Variants in DLG2 observed in about 807,000 individuals in gnomAD.
The protein encoded by DLG2 is discs large MAGUK scaffold protein 2.
A neutral mutation model predicts 132.5 loss-of-function variants in DLG2; 45 were observed. The ratio of observed to expected loss-of-function variants is 0.34; its 90% CI spans 0.27 to 0.44. The LOEUF (loss-of-function observed/expected upper bound fraction) is 0.44, where lower values mean the gene tolerates loss of function less well. DLG2 is among the 20% of genes least tolerant of loss of function. The probability of loss-of-function intolerance (pLI) is 1.00; values close to 1 mark genes in which losing one functional copy is unlikely to be tolerated. For missense variants in DLG2, 1,045 were observed against 1,196.9 expected, an observed-to-expected ratio of 0.87 and a Z score of 1.87; for synonymous variants, 424 against 419.6, an observed-to-expected ratio of 1.01 and a Z score of -0.13.
chr11:85,455,415 GC>G lies in DLG2; in HGVS notation c.40+143241del, dbSNP rs765197856. On this transcript the variant is annotated intron_variant, in intron 3 of 27. Coordinates refer to ENST00000376104, the MANE Select transcript of DLG2 (RefSeq NM_001142699.3). ...CTGAAGTTGTTTATCAGATCAAGAA[GC>G]TTTTAGGCAGAGACTATAGAGTTTG... Among the ~76,000 whole-genome samples, 4 of 152,272 alleles carry G rather than the reference GC, an allele frequency of 2.6e-5. No individual in the cohort carries two copies. In the South Asian group the frequency reaches 8.3e-4, roughly 32 times the overall value.
chr11:85,457,389 C>T (rs1013483021), intron 3 of DLG2, among the ~76,000 whole-genome samples: 2 of 152,094 alleles, frequency 1.3e-5, no homozygotes, highest in Non-Finnish European at 2.9e-5. Flanking sequence ...CTTCTTTATC[C>T]AGCTTGCCAC....
At chr11:83,577,515 A>G (rs1453716463) in intron 19 of DLG2, among the ~76,000 whole-genome samples, 1 of 131,546 alleles carries the variant, frequency 7.6e-6, no homozygotes, top group African/African-American at 2.8e-5. Flanking sequence ...TATATTATAT[A>G]TATATGTATT....
At chr11:85,491,527 C>G (rs560544209) in intron 3 of DLG2, among the ~76,000 whole-genome samples, 2 of 151,446 alleles carry the variant, frequency 1.3e-5, no homozygotes, top group Non-Finnish European at 3.0e-5. Context: ...CTAACCACAT[C>G]AAAAAAAACT....
At chr11:84,955,926 G>A (rs1227410688) in intron 6 of DLG2, among the ~76,000 whole-genome samples, 1 of 152,124 alleles carries the variant, frequency 6.6e-6, no homozygotes. Context: ...AGTACACATT[G>A]GAACAACACC....
intron 18 of DLG2, chr11:83,647,923 A>G (rs1262613868): frequency 6.6e-6 from 1 of 152,192 alleles, no homozygotes; most frequent in African/African-American, 2.4e-5. Flanking sequence ...CACATGTTCT[A>G]TATCCCCAAA....
intron 11 of DLG2, among the ~76,000 whole-genome samples, chr11:84,002,544 C>T (rs1045676628): frequency 6.6e-6 from 1 of 152,148 alleles, no homozygotes; most frequent in African/African-American, 2.4e-5. Context: ...AGGCTCAACA[C>T]CACATGTAAG....
At chr11:85,488,261 C>G (rs1384510341) in intron 3 of DLG2, among the ~76,000 whole-genome samples, 2 of 151,958 alleles carry the variant, frequency 1.3e-5, no homozygotes, top group Non-Finnish European at 2.9e-5. Context: ...TAGTGTGAGG[C>G]ACCTATAGTC....
intron 3 of DLG2, among the ~76,000 whole-genome samples, chr11:85,344,598 A>T (rs773648165): frequency 1.3e-5 from 2 of 152,052 alleles, no homozygotes; most frequent in Non-Finnish European, 2.9e-5. Flanking sequence ...TCCTATTTAG[A>T]TTATATTATG....
chr11:83,941,803 A>T (rs1346174016), intron 14 of DLG2, among the ~76,000 whole-genome samples: 1 of 152,232 alleles, frequency 6.6e-6, no homozygotes, highest in Non-Finnish European at 1.5e-5. Context: ...TCAAATCTAT[A>T]CATAAGCATG....
rs548174891 is a variant in DLG2 at position 84,713,682 on chromosome 11, C to T, written c.358-178951G>A. 3.7e-3 allele frequency among the ~76,000 whole-genome samples: 563 copies of T among 152,108 alleles called. 2 individuals are homozygous for T. The highest frequency in any genetic ancestry group is 6.0e-3 in the South Asian group (29 of 4,820). On this transcript the variant is annotated intron_variant, in intron 6 of 27. Coordinates refer to ENST00000376104, the MANE Select transcript of DLG2 (RefSeq NM_001142699.3). The stretch of plus-strand genomic sequence containing the variant: ...ATGTGATGACATATAAAGTAGCTTG[C>T]AGCAATATAAATTTATATAACTATG...
chr11:83,744,858 C>T (rs958155294), intron 18 of DLG2, among the ~76,000 whole-genome samples: 11 of 152,288 alleles, frequency 7.2e-5, no homozygotes, highest in African/African-American at 2.4e-4. Context: ...AAGTTAGCTG[C>T]CCAGACCTGC....
rs572311114 is a variant in DLG2, at chr11:84,902,643, T to C, written c.357+209018A>G. Among the ~76,000 whole-genome samples, 22 of 152,230 alleles carry C rather than the reference T, an allele frequency of 1.4e-4. 1 individual carries two copies. The highest frequency in any genetic ancestry group is 5.3e-4 in the African/African-American group (22 of 41,548). ...CCTGTGATTTCAACTGCCACTTACATAGTGATGATGGCCAGATGTCTATTT... is the reference window on the plus strand; with the variant it reads ...CCTGTGATTTCAACTGCCACTTACACAGTGATGATGGCCAGATGTCTATTT... On this transcript the variant is annotated intron_variant, in intron 6 of 27. Coordinates refer to ENST00000376104, the MANE Select transcript of DLG2 (RefSeq NM_001142699.3).
intron 8 of DLG2, among the ~76,000 whole-genome samples, chr11:84,186,060 G>A (rs1414399719): frequency 6.6e-6 from 1 of 152,120 alleles, no homozygotes; most frequent in Admixed American, 6.6e-5. Context: ...CCTTCTATAT[G>A]ACAAGTTGAC....
chr11:85,044,262 C>A (rs1306459724), intron 6 of DLG2, among the ~76,000 whole-genome samples: 1 of 151,976 alleles, frequency 6.6e-6, no homozygotes, highest in Non-Finnish European at 1.5e-5. Context: ...CATATTATAT[C>A]ATAATTGCCT....
At chr11:85,160,605 C>T (rs754197549) in intron 4 of DLG2, among the ~76,000 whole-genome samples, 1 of 152,134 alleles carries the variant, frequency 6.6e-6, no homozygotes, top group Non-Finnish European at 1.5e-5. Context: ...TGCACAGCAG[C>T]ATTCCATCAG....
intron 6 of DLG2, among the ~76,000 whole-genome samples, chr11:84,732,178 T>C (rs914142072): frequency 1.1e-4 from 16 of 152,124 alleles, no homozygotes; most frequent in African/African-American, 3.6e-4. Context: ...AATTTGTCTA[T>C]ATTTGTTGAT....
intron 7 of DLG2, among the ~76,000 whole-genome samples, chr11:84,377,120 G>A (rs1404473826): frequency 2.6e-5 from 4 of 151,992 alleles, no homozygotes; most frequent in Non-Finnish European, 5.9e-5. Context: ...CAAATTACAT[G>A]CACCATCTGT....
At chr11:84,785,366 A>G (rs1288088565) in intron 6 of DLG2, among the ~76,000 whole-genome samples, 2 of 152,120 alleles carry the variant, frequency 1.3e-5, no homozygotes, top group East Asian at 3.9e-4. Context: ...TCTAGATTTG[A>G]TCAAACTGAG....
chr11:84,204,926 A>C (rs2096646139), intron 8 of DLG2, among the ~76,000 whole-genome samples: 3 of 151,302 alleles, frequency 2.0e-5, no homozygotes, highest in Middle Eastern at 3.4e-3. Context: ...CTGGTCTTGA[A>C]CTCCTGACCT....
Sources: gnomAD v4.1 joint callset for allele counts (sites outside exome capture counted in the v4.1 genomes callset) on GRCh38, gnomAD v4.1.1 for gene constraint, MANE v1.5 for transcripts, NCBI Gene and HGNC (gene_info 2026-07-23, HGNC 2026-07-21) for gene names.